AGTPBP1: variants seen among roughly 807,000 people sequenced by gnomAD.
AGTPBP1 encodes ATP/GTP binding carboxypeptidase 1.
AGTPBP1 carries 70 observed loss-of-function variants against 143.9 expected under a neutral mutation model. That is an observed-to-expected ratio of 0.49 (90% CI 0.40 to 0.59). The LOEUF is 0.59. Among genes scored for constraint, AGTPBP1 ranks in the 20% least tolerant of loss-of-function variants. AGTPBP1 has a pLI of 0.00. For missense variants in AGTPBP1, 1,229 were observed against 1,464.5 expected (o/e 0.84, Z 2.62); for synonymous variants, 463 against 500.2 (o/e 0.93, Z 0.99).
chr9:85,768,461 T>C, the AGTPBP1 span, among the ~76,000 whole-genome samples: 2 of 151,998 alleles, frequency 1.3e-5, no homozygotes, highest in Non-Finnish European at 2.9e-5. Context: ...TGTTACAAAG[T>C]TAATAAGAAA....
At chr9:85,646,445 G>A in intron 11 of AGTPBP1, 27 bp from the exon 12 acceptor site, 1 of 1,559,192 alleles carries the variant, frequency 6.4e-7, no homozygotes, top group Non-Finnish European at 8.8e-7. Context: ...GCTATAAGTA[G>A]GTCAGAGGTA....
the AGTPBP1 span, among the ~76,000 whole-genome samples, chr9:85,777,376 G>C: frequency 2.6e-5 from 4 of 152,212 alleles, no homozygotes; most frequent in Non-Finnish European, 5.9e-5. Flanking sequence ...ATCACCCTGA[G>C]GAATGGTGCC....
At position 85,642,819 on chromosome 9, in the gene AGTPBP1, ATTT is replaced by A. The variant is rs1166622851; in HGVS notation, c.1302+5_1302+7del. 27 of 1,589,140 alleles carry A rather than the reference ATTT, an allele frequency of 1.7e-5. No individual in the cohort carries two copies. The East Asian group carries it at 6.0e-4, about 36-fold the overall frequency. On this transcript the variant is annotated splice_donor_5th_base_variant and intron_variant, in intron 13 of 25. Coordinates refer to ENST00000357081, the MANE Select transcript of AGTPBP1 (RefSeq NM_001330701.2). ...TCAGTTAAGATGCTGAATTTTCTATATTTATACCTGAAAATCATCAACAAGCTC... is the reference window on the plus strand; with the variant it reads ...TCAGTTAAGATGCTGAATTTTCTATAATACCTGAAAATCATCAACAAGCTC...
intron 17 of AGTPBP1, among the ~76,000 whole-genome samples, chr9:85,609,126 T>C (rs577316513): frequency 6.6e-6 from 1 of 152,278 alleles, no homozygotes; most frequent in Non-Finnish European, 1.5e-5. Context: ...TGTGTGATTA[T>C]ATACACACAT....
chr9:85,578,612 C>A (rs1828043802), intron 24 of AGTPBP1, among the ~76,000 whole-genome samples: 1 of 152,100 alleles, frequency 6.6e-6, no homozygotes, highest in African/African-American at 2.4e-5. Context: ...GTATCACTTA[C>A]ACAGATTATA....
chr9:85,698,717 C>G (rs1371742398), intron 2 of AGTPBP1, among the ~76,000 whole-genome samples: 5 of 93,270 alleles, frequency 5.4e-5, no homozygotes, highest in African/African-American at 1.8e-4. Flanking sequence ...TTTTGAGAAG[C>G]AGTCTTGCTC....
intron 7 of AGTPBP1, among the ~76,000 whole-genome samples, chr9:85,670,585 C>T (rs1339703784): frequency 6.6e-6 from 1 of 152,096 alleles, no homozygotes; most frequent in African/African-American, 2.4e-5. Context: ...ATTGTAGAAC[C>T]AGGGACAATG....
In AGTPBP1 at chr9:85,546,854, GTT is replaced by G; in HGVS notation, c.*253_*254del. On this transcript the variant is annotated 3_prime_UTR_variant, in exon 26 of 26. Transcript: ENST00000357081. ...TAAAAATTCATGCAATGATACTCAG[GTT>G]TTTTTTTTAAAGGTAAATCCAATAT... is the stretch of plus-strand genomic sequence containing the variant. 1 of 268,544 alleles carries G rather than the reference GTT, an allele frequency of 3.7e-6. No individual in the cohort carries two copies. Among genetic ancestry groups the G allele is most frequent in the Non-Finnish European group, 6.8e-6 (1 of 146,224 alleles). The allele number at this position is 268,544 out of a possible 1,614,324, so 16.6% of individuals were successfully genotyped here.
At chr9:85,630,374 A>C (rs780039215) in intron 14 of AGTPBP1, among the ~76,000 whole-genome samples, 4 of 151,070 alleles carry the variant, frequency 2.6e-5, no homozygotes, top group Non-Finnish European at 4.4e-5. Context: ...TACAGGATTG[A>C]CTTACTTACT....
intron 14 of AGTPBP1, among the ~76,000 whole-genome samples, chr9:85,628,859 G>A (rs1394974290): frequency 1.3e-5 from 2 of 152,124 alleles, no homozygotes; most frequent in Non-Finnish European, 2.9e-5. Flanking sequence ...GGGACTACAG[G>A]CATGTGCCAC....
intron 1 of AGTPBP1, among the ~76,000 whole-genome samples, chr9:85,713,649 T>C (rs548858400): frequency 1.2e-4 from 18 of 152,338 alleles, no homozygotes; most frequent in African/African-American, 3.4e-4. Flanking sequence ...TCAAATTGTT[T>C]AACTTAATAC....
chr9:85,696,197 G>C (rs545085286), intron 2 of AGTPBP1, among the ~76,000 whole-genome samples: 102 of 152,152 alleles, frequency 6.7e-4, no homozygotes, highest in African/African-American at 2.3e-3. Flanking sequence ...TCACTTCAAA[G>C]GAAACAACTA....
rs918532973 is a variant in AGTPBP1 at position 85,572,258 on chromosome 9, C to T, written c.3503+3057G>A. On this transcript the variant is annotated intron_variant, in intron 25 of 25. Coordinates refer to ENST00000357081, the MANE Select transcript of AGTPBP1 (RefSeq NM_001330701.2). ...GGCCAGGCTGGTCTGGAACTCCTGG[C>T]CTGACCTCAAGTGATCTGCCCACCT... 4.6e-5 allele frequency among the ~76,000 whole-genome samples: 7 copies of T among 151,850 alleles called. No homozygotes were observed. The East Asian group carries it at 7.7e-4, about 17-fold the overall frequency.
At chr9:85,660,073 A>G (rs1337229482) in intron 9 of AGTPBP1, among the ~76,000 whole-genome samples, 1 of 151,644 alleles carries the variant, frequency 6.6e-6, no homozygotes, top group Non-Finnish European at 1.5e-5. Context: ...TCAATTCATT[A>G]TTTGCTATTA....
At chr9:85,759,971 T>C in the AGTPBP1 span, among the ~76,000 whole-genome samples, 1 of 151,906 alleles carries the variant, frequency 6.6e-6, no homozygotes, top group African/African-American at 2.4e-5. Flanking sequence ...CAAACTACCA[T>C]CAGAGAATAC....
At chr9:85,703,115 T>C (rs1234482885) in intron 2 of AGTPBP1, among the ~76,000 whole-genome samples, 1 of 152,204 alleles carries the variant, frequency 6.6e-6, no homozygotes, top group Admixed American at 6.5e-5. Context: ...AATGTCCCAG[T>C]TGCATTTGGC....
At chr9:85,659,991 C>A (rs1411341264) in intron 9 of AGTPBP1, among the ~76,000 whole-genome samples, 1 of 151,610 alleles carries the variant, frequency 6.6e-6, no homozygotes, top group Non-Finnish European at 1.5e-5. Flanking sequence ...AATGAGAATT[C>A]TATTATTTAC....
At chr9:85,768,192 T>C in the AGTPBP1 span, among the ~76,000 whole-genome samples, 1 of 152,224 alleles carries the variant, frequency 6.6e-6, no homozygotes, top group Non-Finnish European at 1.5e-5. Context: ...CACACTACCT[T>C]ATATTATCTC....
At chr9:85,792,386 G>A in the AGTPBP1 span, 4 of 152,166 alleles carry the variant, frequency 2.6e-5, no homozygotes, top group Non-Finnish European at 4.4e-5. Context: ...TGGGAACAGG[G>A]CAAGGTATTT....
Sources: allele counts gnomAD v4.1 joint callset (sites outside exome capture counted in the v4.1 genomes callset), GRCh38; gene constraint gnomAD v4.1.1; transcripts MANE v1.5; gene names NCBI Gene and HGNC (gene_info 2026-07-23, HGNC 2026-07-21).